Variants in CHST12 observed in about 807,000 individuals in gnomAD.
CHST12 encodes carbohydrate (chondroitin 4) sulfotransferase 12.
In CHST12, 23 loss-of-function variants were observed where a neutral mutation model predicts 27.9. That is an observed-to-expected ratio of 0.82 (90% confidence interval 0.59 to 1.17). CHST12 has a LOEUF of 1.17. CHST12 is among the 50% of genes most tolerant of loss of function. CHST12 has a pLI of 0.00. For missense variants in CHST12, 682 were observed against 603.0 expected (o/e 1.13, Z -1.37); for synonymous variants, 322 against 273.0 (o/e 1.18, Z -1.77).
chr7:2,429,429 A>C (rs890448797), intron 1 of CHST12, among the ~76,000 whole-genome samples: 1 of 152,000 alleles, frequency 6.6e-6, no homozygotes, highest in African/African-American at 2.4e-5. Context: ...GATGAGTTGG[A>C]CATGTCCTCT....
chr7:2,405,948 C>T (rs761031017), intron 1 of CHST12, among the ~76,000 whole-genome samples: 2 of 152,070 alleles, frequency 1.3e-5, no homozygotes, highest in Non-Finnish European at 2.9e-5. Flanking sequence ...AAGAGAGGCC[C>T]GTTGGTTGGC....
intron 1 of CHST12, among the ~76,000 whole-genome samples, chr7:2,406,368 GTGGGGGC>G (rs1781523125): frequency 6.8e-6 from 1 of 148,060 alleles, no homozygotes; most frequent in Non-Finnish European, 1.5e-5. Context: ...TGAGTACGGG[GTGGGGGC>G]ACAGTTGAGT....
chr7:2,429,554 C>T lies in CHST12; in HGVS notation c.-77-3009C>T, dbSNP rs529671772. Among the ~76,000 whole-genome samples the T allele has an allele frequency of 5.3e-4, 80 of 152,192 alleles. 1 individual carries two copies. Among genetic ancestry groups the T allele is most frequent in the Non-Finnish European group, 9.7e-4 (66 of 68,006 alleles). On this transcript the variant is annotated intron_variant, in intron 1 of 1. Transcript: ENST00000618655. ...GAGATTTCTTTTTAAGGAGCTTTTACGTTACAAATTTAGTTTCTTTAATTA... is the reference window on the plus strand; with the variant it reads ...GAGATTTCTTTTTAAGGAGCTTTTATGTTACAAATTTAGTTTCTTTAATTA...
Position 2,433,101 on chromosome 7 carries a change from G to A in CHST12, c.462G>A (p.Leu154=), listed in dbSNP as rs749408083. ...TCGACGACATCCCCAACTCGGAGCT[G>A]AGCCACCTGATCGTGGACGACCGGC... ...RAFDDIPNSE[L]SHLIVDDRHG... is the part of the protein sequence containing the mutation. Residue 154 remains leucine, a synonymous_variant, in exon 2 of 2, where the codon CTG becomes CTA. Coordinates refer to ENST00000618655, the MANE Select transcript of CHST12 (RefSeq NM_018641.5). The surrounding 1 kb of genome is among the most constrained non-coding windows in gnomAD (Gnocchi z 6.1). 1.2e-6 allele frequency: 2 copies of A among 1,612,574 alleles called. No homozygotes were observed. Among genetic ancestry groups the A allele is most frequent in the South Asian group, 1.1e-5 (1 of 91,048 alleles).
At chr7:2,426,950 C>T (rs910066391) in intron 1 of CHST12, among the ~76,000 whole-genome samples, 10 of 152,062 alleles carry the variant, frequency 6.6e-5, no homozygotes, top group Admixed American at 5.9e-4. Flanking sequence ...AAGATCATGC[C>T]ACTGCACTCC....
chr7:2,424,698 T>G (rs949921073), intron 1 of CHST12, among the ~76,000 whole-genome samples: 1 of 152,166 alleles, frequency 6.6e-6, no homozygotes, highest in African/African-American at 2.4e-5. Context: ...CCGAGTGTTG[T>G]CTTCTGAAGC....
Position 2,442,993 on chromosome 7 carries a change from C to G in CHST12, c.*9109C>G, listed in dbSNP as rs113144889. ...CTGGAGTGCAGTGGCATGATCTCGG[C>G]TCACTGCAACCCCTGCTTCCTGGGT... is the stretch of plus-strand genomic sequence containing the variant. On this transcript the variant is annotated 3_prime_UTR_variant, in exon 2 of 2. Coordinates refer to ENST00000618655, the MANE Select transcript of CHST12 (RefSeq NM_018641.5). 1,028 of 152,236 alleles carry G rather than the reference C, an allele frequency of 6.8e-3. 16 individuals are homozygous for G. The Middle Eastern group carries it at 0.088, about 13-fold the overall frequency. 9.4% of individuals were successfully genotyped at this position (152,236 alleles called of 1,614,324 possible).
chr7:2,421,160 C>T (rs1034928005), intron 1 of CHST12, among the ~76,000 whole-genome samples: 8 of 150,882 alleles, frequency 5.3e-5, no homozygotes, highest in Admixed American at 1.3e-4. Flanking sequence ...TGGGCTCAAG[C>T]GATCCTCTTG....
rs1782612143 is a variant in CHST12, at chr7:2,441,766, C to T, written c.*7882C>T. The stretch of plus-strand genomic sequence containing the variant: ...ATCCTGTTTAGAAGAGTGGGTTTCT[C>T]ATAAGAAAAAAAAGAAAAAGGTTGA... On this transcript the variant is annotated 3_prime_UTR_variant, in exon 2 of 2. Transcript: ENST00000618655. 1 of 149,170 alleles carries T rather than the reference C, an allele frequency of 6.7e-6. No homozygotes were observed. The highest frequency in any genetic ancestry group is 2.5e-5 in the African/African-American group (1 of 40,580). 9.2% of individuals were successfully genotyped at this position (149,170 alleles called of 1,614,324 possible).
intron 1 of CHST12, among the ~76,000 whole-genome samples, chr7:2,428,511 C>G (rs996608744): frequency 2.0e-5 from 3 of 152,084 alleles, no homozygotes; most frequent in Non-Finnish European, 4.4e-5. Context: ...CGGGGGGTGA[C>G]CGCCTTCTGG....
chr7:2,442,365 C>T lies in CHST12; in HGVS notation c.*8481C>T, dbSNP rs528820815. The T allele has an allele frequency of 6.6e-6, 1 of 152,248 alleles. No homozygotes were observed. Among genetic ancestry groups the T allele is most frequent in the South Asian group, 2.1e-4 (1 of 4,820 alleles). 9.4% of individuals were successfully genotyped at this position (152,248 alleles called of 1,614,324 possible). A position where few individuals can be genotyped will look rare whatever the true frequency, so the allele number is the denominator to read the frequency against. On this transcript the variant is annotated 3_prime_UTR_variant, in exon 2 of 2. Transcript: ENST00000618655. ...CGGGTGTGCAGATACCTGTTCAAGT[C>T]CCTGCTGTTTTCTTTTGAGACGGAG...
Position 2,448,389 on chromosome 7 carries a change from C to G in CHST12, c.*14505C>G, listed in dbSNP as rs555030654. 6.6e-6 allele frequency: 1 copy of G among 152,408 alleles called. No homozygotes were observed. Among genetic ancestry groups the G allele is most frequent in the Non-Finnish European group, 1.5e-5 (1 of 68,194 alleles). 9.4% of individuals were successfully genotyped at this position (152,408 alleles called of 1,614,324 possible). ...CCCCTGTTAATGGCACCCACCAGTC[C>G]TTGTCCAAACCTCGAAGCTCAGGAC... On this transcript the variant is annotated 3_prime_UTR_variant, in exon 2 of 2. Coordinates refer to ENST00000618655, the MANE Select transcript of CHST12 (RefSeq NM_018641.5).
chr7:2,420,283 C>T (rs992369967), intron 1 of CHST12, among the ~76,000 whole-genome samples: 1 of 152,058 alleles, frequency 6.6e-6, no homozygotes, highest in Non-Finnish European at 1.5e-5. Flanking sequence ...AGTATTTGTC[C>T]TTTTGTTTCT....
At chr7:2,409,938 T>C (rs1180374535) in intron 1 of CHST12, among the ~76,000 whole-genome samples, 2 of 152,146 alleles carry the variant, frequency 1.3e-5, no homozygotes, top group African/African-American at 4.8e-5. Flanking sequence ...TTATCAGAGA[T>C]TCTGAGCACT....
intron 1 of CHST12, among the ~76,000 whole-genome samples, chr7:2,426,418 A>T (rs1212292963): frequency 6.6e-6 from 1 of 152,146 alleles, no homozygotes; most frequent in Non-Finnish European, 1.5e-5. Context: ...AATTAAACAT[A>T]CACACCCCAA....
chr7:2,419,599 T>G (rs1379974874), intron 1 of CHST12, among the ~76,000 whole-genome samples: 1 of 149,254 alleles, frequency 6.7e-6, no homozygotes, highest in African/African-American at 2.5e-5. Flanking sequence ...CCCAGCTACT[T>G]AGGAGGCTGA....
intron 1 of CHST12, among the ~76,000 whole-genome samples, chr7:2,412,395 A>G (rs1216606351): frequency 6.6e-6 from 1 of 152,202 alleles, no homozygotes; most frequent in East Asian, 1.9e-4. Context: ...GACTACAGCG[A>G]TGGGAACTGC....
At chr7:2,428,785 T>C (rs1423406365) in intron 1 of CHST12, among the ~76,000 whole-genome samples, 2 of 152,188 alleles carry the variant, frequency 1.3e-5, no homozygotes, top group Non-Finnish European at 2.9e-5. Context: ...ATTAGCAAGA[T>C]ATTAATCAGC....
chr7:2,420,872 T>C (rs902392293), intron 1 of CHST12, among the ~76,000 whole-genome samples: 3 of 152,156 alleles, frequency 2.0e-5, no homozygotes, highest in Admixed American at 2.0e-4. Context: ...TTTATTTTAT[T>C]ATTATTTTTT....
Sources: allele counts gnomAD v4.1 joint callset (sites outside exome capture counted in the v4.1 genomes callset), GRCh38; gene constraint gnomAD v4.1.1; non-coding constraint Gnocchi (gnomAD v3.1); transcripts MANE v1.5; gene names NCBI Gene and HGNC (gene_info 2026-07-23, HGNC 2026-07-21).